CDH23: variants seen among roughly 807,000 people sequenced by gnomAD.
CDH23 encodes the protein cadherin related 23.
A neutral mutation model predicts 317.1 loss-of-function variants in CDH23; 189 were observed. The observed-to-expected ratio is 0.60, with a 90% CI of 0.53 to 0.67. CDH23 has a LOEUF of 0.67. Among genes scored for constraint, CDH23 ranks in the 30% least tolerant of loss-of-function variants. The probability of loss-of-function intolerance (pLI) is 0.00; values close to 1 mark genes in which losing one functional copy is unlikely to be tolerated. For synonymous variants in CDH23, 1,839 were observed against 1,876.8 expected (o/e 0.98, Z 0.52); for missense variants, 4,401 against 4,592.4 (o/e 0.96, Z 1.20).
At chr10:71,449,074 C>T (rs1184127994) in intron 3 of CDH23, among the ~76,000 whole-genome samples, 1 of 152,192 alleles carries the variant, frequency 6.6e-6, no homozygotes. Flanking sequence ...AGTTTACATA[C>T]AATACCACCA....
chr10:71,693,418 A>T (rs1398778597), intron 20 of CDH23, among the ~76,000 whole-genome samples: 1 of 152,260 alleles, frequency 6.6e-6, no homozygotes, highest in Non-Finnish European at 1.5e-5. Flanking sequence ...TTAATTGTTC[A>T]GATTTAGCAC....
At chr10:71,814,855 C>T (rs1842074548) in intron 69 of CDH23, 97 bp from the exon 70 acceptor site, 3 of 1,391,460 alleles carry the variant, frequency 2.2e-6, no homozygotes, top group Non-Finnish European at 2.9e-6. Context: ...GGTAGGAGCC[C>T]AAGGTTCAGC....
Position 71,590,550 on chromosome 10 carries a change from C to T in CDH23, c.832+12558C>T, listed in dbSNP as rs548196450. 5.9e-5 allele frequency among the ~76,000 whole-genome samples: 9 copies of T among 152,254 alleles called. No homozygotes were observed. The South Asian group carries it at 6.2e-4, about 11-fold the overall frequency. On this transcript the variant is annotated intron_variant, in intron 9 of 69. Coordinates refer to ENST00000224721, the MANE Select transcript of CDH23 (RefSeq NM_022124.6). ...CTGAAGGGCACTTCACAACGACGTC[C>T]GGCAGACCAAGGATTATTTTAAAGG...
chr10:71,730,678 C>G (rs947736509), intron 31 of CDH23, 74 bp downstream of exon 31: 2 of 1,580,704 alleles, frequency 1.3e-6, no homozygotes, highest in Non-Finnish European at 1.7e-6. Flanking sequence ...GCCCCTCCTT[C>G]GAAACGGTCA....
chr10:71,540,973 C>T (rs1251736912), intron 6 of CDH23, among the ~76,000 whole-genome samples: 1 of 151,990 alleles, frequency 6.6e-6, no homozygotes, highest in Non-Finnish European at 1.5e-5. Flanking sequence ...CCCACGCAGG[C>T]CCTACCCAAC....
At chr10:71,414,047 T>TTGTGTGTGTGTGTGTGTG (rs34017042) in intron 1 of CDH23, among the ~76,000 whole-genome samples, 22 of 142,902 alleles carry the variant, frequency 1.5e-4, no homozygotes, top group African/African-American at 5.8e-4. Flanking sequence ...CTCCTGGGTT[T>TTGTGTGTGTGTGTGTGTG]TGTGTGTGTG....
rs1171224312 is a variant in CDH23 at position 71,773,180 on chromosome 10, G to A, written c.4846-4500G>A. ...GCCCGATGCCTAGCTGGGGCACTTG[G>A]CACAGTTGCCACTGCACCCTGCCTA... On this transcript the variant is annotated intron_variant, in intron 38 of 69. Transcript: ENST00000224721. 2.6e-5 allele frequency among the ~76,000 whole-genome samples: 4 copies of A among 152,236 alleles called. 1 individual carries two copies. In the South Asian group the frequency reaches 6.2e-4, roughly 24 times the overall value.
At chr10:71,425,402 A>AGGAAGGAAGGAT (rs1459026089) in intron 1 of CDH23, among the ~76,000 whole-genome samples, 3 of 150,334 alleles carry the variant, frequency 2.0e-5, no homozygotes, top group Admixed American at 6.6e-5. Context: ...GAAGGAAGGA[A>AGGAAGGAAGGAT]GGAAGGAAGG....
intron 1 of CDH23, among the ~76,000 whole-genome samples, chr10:71,425,818 A>G (rs1044830008): frequency 6.6e-6 from 1 of 152,240 alleles, no homozygotes; most frequent in African/African-American, 2.4e-5. Context: ...TTGCAGTCAC[A>G]TGTACAGAAA....
intron 45 of CDH23, 126 bp from the exon 46 acceptor site, chr10:71,790,162 C>A (rs1841206578): frequency 3.0e-6 from 4 of 1,349,568 alleles, no homozygotes; most frequent in African/African-American, 1.4e-5. Flanking sequence ...GGCCTCCCCA[C>A]CCTGTCCACC....
chr10:71,809,984 G>C lies in CDH23; in HGVS notation c.8887G>C (p.Glu2963Gln). ...DDQRVKIVINEIPDRVRGFEE... is the reference protein window; with the variant it reads ...DDQRVKIVINQIPDRVRGFEE... ...CCAGCGCGTCAAGATCGTCATTAAC[G>C]AGATCCCCGACCGTGTGCGCGGCTT... The change falls in exon 61 of 70, where the codon GAG (glutamate) becomes CAG (glutamine). Residue 2963 changes from glutamate (E) to glutamine (Q), a missense_variant. This residue lies in a region of CDH23 where 1,144 missense variants were observed against 1,138.2 expected (regional missense o/e 1.01). Transcript: ENST00000224721. 6.2e-7 allele frequency: 1 copy of C among 1,612,126 alleles called. No homozygotes were observed. Among genetic ancestry groups the C allele is most frequent in the Non-Finnish European group, 8.5e-7 (1 of 1,179,876 alleles).
intron 11 of CDH23, among the ~76,000 whole-genome samples, chr10:71,642,386 C>T (rs1189865129): frequency 6.9e-6 from 1 of 144,720 alleles, no homozygotes; most frequent in African/African-American, 2.5e-5. Flanking sequence ...AGAAGCTGGC[C>T]CGGCCTCTTT....
At chr10:71,802,828 T>C in intron 53 of CDH23, 70 bp from the exon 54 acceptor site, 5 of 1,539,418 alleles carry the variant, frequency 3.2e-6, no homozygotes, top group Non-Finnish European at 4.5e-6. Context: ...GGCTTACTCC[T>C]GCATGACCAG....
intron 3 of CDH23, among the ~76,000 whole-genome samples, chr10:71,503,770 C>T (rs745896012): frequency 6.6e-6 from 1 of 152,280 alleles, no homozygotes; most frequent in East Asian, 1.9e-4. Flanking sequence ...TGAGGAAGGC[C>T]TCCCCAACGT....
intron 6 of CDH23, among the ~76,000 whole-genome samples, 189 bp downstream of exon 6, chr10:71,511,401 T>C (rs1853978294): frequency 6.6e-6 from 1 of 151,970 alleles, no homozygotes; most frequent in Admixed American, 6.6e-5. Context: ...AGCCTGGGGT[T>C]GGGAAGAGCA....
chr10:71,709,204 G>A lies in CDH23; in HGVS notation c.3213G>A (p.Glu1071=), dbSNP rs140255091. ...CAGCCGCCTACATGCTCATCCTGGA[G>A]GCCATCGGTATGCACCAGTCCCGCA... is the stretch of plus-strand genomic sequence containing the variant. ...ETTAAYMLIL[E]AIDNGPVGKR... Residue 1071 remains glutamate (E), a synonymous_variant, in exon 27 of 70, where the codon GAG becomes GAA. Transcript: ENST00000224721. 127 of 1,613,868 alleles carry A rather than the reference G, an allele frequency of 7.9e-5. No individual in the cohort carries two copies. The African/African-American group carries it at 1.3e-3, about 17-fold the overall frequency.
chr10:71,668,025 C>G (rs2132649140), intron 14 of CDH23, among the ~76,000 whole-genome samples: 1 of 152,284 alleles, frequency 6.6e-6, no homozygotes, highest in Non-Finnish European at 1.5e-5. Context: ...GGCCCTAAGC[C>G]ACCTGCACAG....
In CDH23 at chr10:71,566,877, G is replaced by A; in HGVS notation, c.565G>A (p.Val189Met). The A allele has an allele frequency of 6.2e-7, 1 of 1,613,958 alleles. No homozygotes were observed. The highest frequency in any genetic ancestry group is 1.3e-5 in the African/African-American group (1 of 75,058). Residue 189 changes from valine to methionine, a missense_variant, in exon 7 of 70, where the codon GTG becomes ATG. Physicochemically the swap from Val to Met is conservative, Grantham distance 21. Around this residue, in one of 3 missense-constraint regions of CDH23, gnomAD observed 3,068 missense variants for 3,203.3 expected, o/e 0.96. Transcript: ENST00000224721. The stretch of plus-strand genomic sequence containing the variant: ...TGACAGCGCCCGCGGTATCGTCACA[G>A]TGATCCGGGAGCTGGACTACGAGAC... ...AIDSARGIVT[V>M]IRELDYETTQ...
intron 3 of CDH23, among the ~76,000 whole-genome samples, chr10:71,475,125 G>T (rs1851720743): frequency 1.3e-5 from 2 of 152,298 alleles, no homozygotes; most frequent in South Asian, 4.1e-4. Context: ...AGTAGCTGCT[G>T]GTCAGAGCTG....
Sources: gnomAD v4.1 joint callset for allele counts (sites outside exome capture counted in the v4.1 genomes callset) on GRCh38, gnomAD v4.1.1 for gene constraint, gnomAD v4.1.1 regional missense constraint, MANE v1.5 for transcripts, NCBI Gene and HGNC (gene_info 2026-07-23, HGNC 2026-07-21) for gene names.